NFU1: variants seen among roughly 807,000 people sequenced by gnomAD.
The protein encoded by NFU1 is NFU1 iron-sulfur cluster scaffold.
NFU1 carries 30 observed loss-of-function variants against 32.2 expected under a neutral mutation model. That is an observed-to-expected ratio of 0.93 (90% confidence interval 0.70 to 1.26). NFU1 has a LOEUF of 1.26. NFU1 is among the 50% of genes most tolerant of loss of function. The pLI, the probability that NFU1 is intolerant of heterozygous loss-of-function variation, is 0.00. For missense variants in NFU1, 306 were observed against 306.6 expected (o/e 1.00, Z 0.02); for synonymous variants, 112 against 104.6 (o/e 1.07, Z -0.43).
At chr2:69,400,031 C>T (rs900752789) in intron 7 of NFU1, among the ~76,000 whole-genome samples, 2 of 152,118 alleles carry the variant, frequency 1.3e-5, no homozygotes, top group African/African-American at 4.8e-5. Context: ...TGCCACCATG[C>T]CCAGCTAATT....
chr2:69,418,255 T>C (rs184738081), intron 4 of NFU1, among the ~76,000 whole-genome samples: 70 of 152,126 alleles, frequency 4.6e-4, no homozygotes, highest in Non-Finnish European at 8.4e-4. Flanking sequence ...CAAAAATTAG[T>C]TGGACATGGT....
In NFU1 at chr2:69,437,371, G is replaced by A; in HGVS notation, c.52C>T (p.Leu18=). The A allele has an allele frequency of 1.9e-6, 3 of 1,608,096 alleles. No homozygotes were observed. Among genetic ancestry groups the A allele is most frequent in the Non-Finnish European group, 2.5e-6 (3 of 1,178,790 alleles). The change falls in exon 1 of 8, where the codon CTG becomes TTG. Residue 18 remains leucine, a synonymous_variant. Transcript: ENST00000410022. The part of the protein sequence containing the change: ...GWGAAAVAAG[L]RRRFCHMLKN... ...AGGCTCGTCACCTACCGCCTGCGCA[G>A]CCCGGCGGCAACAGCCGCAGCTCCC...
upstream of NFU1, among the ~76,000 whole-genome samples, chr2:69,439,160 C>A (rs1223705529): frequency 6.6e-6 from 1 of 152,156 alleles, no homozygotes; most frequent in Non-Finnish European, 1.5e-5. Flanking sequence ...TAGTTTTTCA[C>A]TTCCCACTCC....
upstream of NFU1, among the ~76,000 whole-genome samples, chr2:69,439,321 T>C (rs1474613966): frequency 2.0e-5 from 3 of 152,020 alleles, no homozygotes; most frequent in Non-Finnish European, 2.9e-5. Flanking sequence ...TTGTGGTGAG[T>C]GTTACAGTTC....
At chr2:69,408,757 TATATATATATATAC>T (rs1672784659) in intron 5 of NFU1, among the ~76,000 whole-genome samples, 1 of 78,688 alleles carries the variant, frequency 1.3e-5, no homozygotes, top group South Asian at 3.9e-4. Context: ...TATATATATA[TATATATATATATAC>T]ACACACACAT....
At chr2:69,416,445 G>A (rs1673058234) in intron 4 of NFU1, among the ~76,000 whole-genome samples, 1 of 150,478 alleles carries the variant, frequency 6.6e-6, no homozygotes, top group Non-Finnish European at 1.5e-5. Flanking sequence ...TTTTCATGAT[G>A]TGAAGACAAA....
At chr2:69,405,771 C>G (rs1453285982) in intron 6 of NFU1, among the ~76,000 whole-genome samples, 1 of 151,690 alleles carries the variant, frequency 6.6e-6, no homozygotes, top group Non-Finnish European at 1.5e-5. Flanking sequence ...AATATCAAAT[C>G]TAAATTGAGA....
At chr2:69,434,093 T>C (rs1377117974) in intron 1 of NFU1, among the ~76,000 whole-genome samples, 2 of 148,268 alleles carry the variant, frequency 1.3e-5, no homozygotes, top group African/African-American at 5.0e-5. Flanking sequence ...TTTTATATGC[T>C]TTTTGGATGG....
chr2:69,410,716 G>A (rs1672851703), intron 5 of NFU1: 1 of 152,078 alleles, frequency 6.6e-6, no homozygotes, highest in Non-Finnish European at 1.5e-5. Flanking sequence ...ATAGTACCTA[G>A]AACTAACATG....
intron 5 of NFU1, among the ~76,000 whole-genome samples, chr2:69,408,837 G>C (rs1672788582): frequency 1.4e-5 from 2 of 143,634 alleles, no homozygotes; most frequent in South Asian, 4.4e-4. Context: ...CTACTGGTGG[G>C]ATATTTGTGT....
intron 2 of NFU1, among the ~76,000 whole-genome samples, chr2:69,427,951 A>G (rs1262974172): frequency 1.3e-5 from 2 of 152,068 alleles, no homozygotes; most frequent in African/African-American, 4.8e-5. Flanking sequence ...TGAACCTGGG[A>G]GGTGGAGGCT....
In NFU1 at chr2:69,418,318, T is replaced by C. The variant is rs141053888; in HGVS notation, c.369+1220A>G. Among the ~76,000 whole-genome samples the C allele has an allele frequency of 2.9e-3, 444 of 152,272 alleles. 3 individuals are homozygous for C. Among genetic ancestry groups the C allele is most frequent in the African/African-American group, 8.4e-3 (349 of 41,562 alleles). On this transcript the variant is annotated intron_variant, in intron 4 of 7. Coordinates refer to ENST00000410022, the MANE Select transcript of NFU1 (RefSeq NM_001002755.4). ...GGGAGGCTGAGGTGAGATGACTGCT[T>C]AAGCTCAAGAGGCTTAGGCTGCAGT...
At chr2:69,396,370 CTTT>C in intron 7 of NFU1, 80 bp from the exon 8 acceptor site, 1 of 985,344 alleles carries the variant, frequency 1.0e-6, no homozygotes, top group Non-Finnish European at 1.6e-6. Flanking sequence ...AATATTACTT[CTTT>C]ACCTGATACA....
At chr2:69,408,734 T>TTATATATATATATATATA (rs70954344) in intron 5 of NFU1, among the ~76,000 whole-genome samples, 11 of 136,432 alleles carry the variant, frequency 8.1e-5, no homozygotes, top group Non-Finnish European at 1.7e-4. Flanking sequence ...ATATAAAATT[T>TTATATATATATATATATA]TATATATATA....
intron 7 of NFU1, among the ~76,000 whole-genome samples, chr2:69,399,613 T>C (rs1025391570): frequency 2.1e-5 from 2 of 94,846 alleles, no homozygotes; most frequent in African/African-American, 8.1e-5. Context: ...ACCCCGTCTC[T>C]ACAAAAAAAA....
At chr2:69,437,565 C>T, upstream of NFU1, 2 of 1,022,072 alleles carry the variant, frequency 2.0e-6, no homozygotes, top group Non-Finnish European at 1.5e-6. Context: ...GTGCGGTGGC[C>T]TACGCGCCGA....
intron 6 of NFU1, among the ~76,000 whole-genome samples, chr2:69,404,488 CA>C (rs1311341166): frequency 9.4e-4 from 133 of 141,774 alleles, no homozygotes; most frequent in Admixed American, 1.5e-3. Flanking sequence ...GACTCTGTCT[CA>C]AAAAAAAAAT....
intron 1 of NFU1, among the ~76,000 whole-genome samples, chr2:69,436,890 G>A (rs901935443): frequency 6.6e-6 from 1 of 152,178 alleles, no homozygotes; most frequent in African/African-American, 2.4e-5. Context: ...CTTAGAAACT[G>A]TGTAACCTTG....
upstream of NFU1, among the ~76,000 whole-genome samples, chr2:69,438,441 G>T (rs1673932218): frequency 6.6e-6 from 1 of 151,930 alleles, no homozygotes; most frequent in South Asian, 2.1e-4. Flanking sequence ...AGTAGTAGTA[G>T]TATTTTTGTA....
Sources: allele counts gnomAD v4.1 joint callset (sites outside exome capture counted in the v4.1 genomes callset), GRCh38; gene constraint gnomAD v4.1.1; transcripts MANE v1.5; gene names NCBI Gene and HGNC (gene_info 2026-07-23, HGNC 2026-07-21).